The following NCAPG2 variants were observed in gnomAD, a reference collection of about 807,000 sequenced individuals.
NCAPG2 encodes the protein condensin-2 complex subunit G2.
A neutral mutation model predicts 141.1 loss-of-function variants in NCAPG2; 53 were observed. The ratio of observed to expected loss-of-function variants is 0.38; its 90% CI spans 0.30 to 0.47. NCAPG2 has a LOEUF of 0.47. Ranked by LOEUF, NCAPG2 falls within the 20% of genes least tolerant of loss-of-function variation. NCAPG2 has a pLI of 0.99. For missense variants in NCAPG2, 1,087 were observed against 1,389.0 expected, an observed-to-expected ratio of 0.78 and a Z score of 3.46; for synonymous variants, 499 against 490.7, an observed-to-expected ratio of 1.02 and a Z score of -0.22.
intron 11 of NCAPG2, among the ~76,000 whole-genome samples, chr7:158,677,575 G>C (rs936334906): frequency 7.1e-6 from 1 of 141,516 alleles, no homozygotes; most frequent in African/African-American, 2.6e-5. Flanking sequence ...GAATCTGAAG[G>C]CCTGTCCTTG....
intron 2 of NCAPG2, among the ~76,000 whole-genome samples, chr7:158,699,988 G>A (rs902665916): frequency 6.6e-6 from 1 of 151,830 alleles, no homozygotes; most frequent in Non-Finnish European, 1.5e-5. Context: ...GTGACTGTTG[G>A]TAATGCATGT....
chr7:158,667,244 T>C lies in NCAPG2; in HGVS notation c.1480-2494A>G, dbSNP rs1323954455. ...CCTCTGCTCTGGCGCCCAAACTTCC[T>C]GGTGGGCCAGAGACCCTGTGTCCCT... On this transcript the variant is annotated intron_variant, in intron 13 of 27. Coordinates refer to ENST00000356309, the MANE Select transcript of NCAPG2 (RefSeq NM_017760.7). 7 of 984,708 alleles carry C rather than the reference T, an allele frequency of 7.1e-6. No homozygotes were observed. In the South Asian group the frequency reaches 1.4e-4, roughly 20 times the overall value. 61.0% of individuals were successfully genotyped at this position (984,708 alleles called of 1,614,324 possible).
In NCAPG2 at chr7:158,658,391, G is replaced by A; in HGVS notation, c.2007C>T (p.Ile669=). ...LKVFKDDRCK[I]PLFMLMSFMP... ...TAAAGGACATTAGCATGAATAAAGG[G>A]ATCTTGCAGCGATCATCCTAAAAGC... The change falls in exon 17 of 28, where the codon ATC becomes ATT. Residue 669 remains isoleucine (I), a synonymous_variant. Coordinates refer to ENST00000356309, the MANE Select transcript of NCAPG2 (RefSeq NM_017760.7). 3.1e-6 allele frequency: 5 copies of A among 1,611,406 alleles called. No individual in the cohort carries two copies. Among genetic ancestry groups the A allele is most frequent in the Non-Finnish European group, 4.2e-6 (5 of 1,178,542 alleles).
intron 13 of NCAPG2, among the ~76,000 whole-genome samples, chr7:158,666,777 A>G (rs935429727): frequency 6.6e-6 from 1 of 152,104 alleles, no homozygotes; most frequent in African/African-American, 2.4e-5. Context: ...AAATAAATAA[A>G]TAAAATAAAA....
chr7:158,678,819 T>A (rs2336803), intron 11 of NCAPG2, among the ~76,000 whole-genome samples: 135,097 of 151,910 alleles, frequency 0.89, 60,140 homozygotes, highest in East Asian at 0.96. Context: ...GTGTGTGTGC[T>A]TGAAGAAGTA....
At chr7:158,665,513 C>T (rs1026699384) in intron 13 of NCAPG2, 16 of 152,214 alleles carry the variant, frequency 1.1e-4, no homozygotes, top group African/African-American at 3.9e-4. Flanking sequence ...GCGAAACCCT[C>T]GACCTTGCAT....
intron 22 of NCAPG2, among the ~76,000 whole-genome samples, chr7:158,653,689 C>A (rs1237172255): frequency 6.6e-6 from 1 of 152,148 alleles, no homozygotes; most frequent in Non-Finnish European, 1.5e-5. Flanking sequence ...ATTGGACAAC[C>A]AACTTAATCT....
chr7:158,690,254 A>C (rs1787421283), intron 5 of NCAPG2, among the ~76,000 whole-genome samples: 1 of 152,214 alleles, frequency 6.6e-6, no homozygotes, highest in South Asian at 2.1e-4. Context: ...ATTTCACTGT[A>C]GAGCTACTAA....
At chr7:158,699,926 GTTATTTATTTAT>G (rs146349286) in intron 2 of NCAPG2, among the ~76,000 whole-genome samples, 1 of 151,426 alleles carries the variant, frequency 6.6e-6, no homozygotes, top group Non-Finnish European at 1.5e-5. Flanking sequence ...ATCTCTCTGG[GTTATTTATTTAT>G]TTATTTATTT....
intron 11 of NCAPG2, among the ~76,000 whole-genome samples, chr7:158,679,614 C>A (rs1465885935): frequency 6.6e-6 from 1 of 152,172 alleles, no homozygotes; most frequent in Non-Finnish European, 1.5e-5. Flanking sequence ...GACTCTGACC[C>A]CAGAGAGCAG....
intron 23 of NCAPG2, among the ~76,000 whole-genome samples, chr7:158,651,264 CA>C (rs1389402568): frequency 6.6e-6 from 1 of 152,006 alleles, no homozygotes; most frequent in East Asian, 1.9e-4. Context: ...GGGAGAGAGG[CA>C]AAACATCAAT....
intron 24 of NCAPG2, 45 bp from the exon 25 acceptor site, chr7:158,646,608 A>C: frequency 7.5e-7 from 1 of 1,324,982 alleles, no homozygotes; most frequent in Non-Finnish European, 1.0e-6. Flanking sequence ...AGACTAGGCT[A>C]CTTACTTGTA....
At chr7:158,639,736 T>G (rs1421427080) in intron 27 of NCAPG2, 1 of 533,380 alleles carries the variant, frequency 1.9e-6, no homozygotes, top group African/African-American at 2.1e-5. Context: ...AGTTACCAAC[T>G]AATGCTGAGA....
At chr7:158,638,537 G>C (rs1350865304) in intron 27 of NCAPG2, among the ~76,000 whole-genome samples, 1 of 152,154 alleles carries the variant, frequency 6.6e-6, no homozygotes, top group Non-Finnish European at 1.5e-5. Flanking sequence ...ACCATGCCCA[G>C]CCAACATTGT....
At chr7:158,681,990 T>C (rs758096532) in intron 9 of NCAPG2, among the ~76,000 whole-genome samples, 5 of 152,286 alleles carry the variant, frequency 3.3e-5, no homozygotes, top group Non-Finnish European at 4.4e-5. Flanking sequence ...GAAGAAACTA[T>C]AATGTGTTAT....
intron 11 of NCAPG2, 23 bp from the exon 12 acceptor site, chr7:158,675,679 G>A (rs771621749): frequency 6.3e-7 from 1 of 1,595,892 alleles, no homozygotes; most frequent in South Asian, 1.1e-5. Context: ...GGGGAGAAAG[G>A]CTTAAAAACC....
At chr7:158,647,301 G>C (rs1486701139) in intron 24 of NCAPG2, among the ~76,000 whole-genome samples, 1 of 152,146 alleles carries the variant, frequency 6.6e-6, no homozygotes, top group African/African-American at 2.4e-5. Flanking sequence ...GAGCATCCCT[G>C]GCCTCCACCC....
In NCAPG2 at chr7:158,645,523, A is replaced by G. The variant is rs991487873; in HGVS notation, c.3276T>C (p.Asn1092=). 9 of 1,613,952 alleles carry G rather than the reference A, an allele frequency of 5.6e-6. No individual in the cohort carries two copies. Among genetic ancestry groups the G allele is most frequent in the Non-Finnish European group, 7.6e-6 (9 of 1,179,868 alleles). The part of the protein sequence containing the change: ...TAAVHIILVI[N]AGKHKSSKVR... ...ACAGAGGGGAATGTAACCAACCTGC[A>G]TTAATAACCAGGATAATATGCACAG... The change falls in exon 26 of 28, where the codon AAT becomes AAC. Residue 1092 remains asparagine, a synonymous_variant. Transcript: ENST00000356309.
chr7:158,681,398 A>C (rs1197208863), intron 9 of NCAPG2, among the ~76,000 whole-genome samples: 1 of 152,212 alleles, frequency 6.6e-6, no homozygotes, highest in East Asian at 1.9e-4. Flanking sequence ...CTTCTTTTCC[A>C]GTCAGAATCT....
Sources: allele counts gnomAD v4.1 joint callset (sites outside exome capture counted in the v4.1 genomes callset), GRCh38; gene constraint gnomAD v4.1.1; transcripts MANE v1.5; gene names NCBI Gene and HGNC (gene_info 2026-07-23, HGNC 2026-07-21).